The following CRAT variants were observed in gnomAD, a reference collection of about 807,000 sequenced individuals.
CRAT encodes the protein carnitine O-acetyltransferase.
In CRAT, 66 loss-of-function variants were observed where a neutral mutation model predicts 73.7. The observed-to-expected ratio is 0.90, with a 90% CI of 0.73 to 1.10. The LOEUF is 1.10. CRAT is among the 50% of genes least tolerant of loss of function. CRAT has a pLI of 0.00. For missense variants in CRAT, 745 were observed against 846.9 expected (o/e 0.88, Z 1.49); for synonymous variants, 321 against 343.2 (o/e 0.94, Z 0.71).
At chr9:129,098,834 G>C (rs1847469449) in intron 8 of CRAT, among the ~76,000 whole-genome samples, 184 bp from the exon 9 acceptor site, 1 of 95,948 alleles carries the variant, frequency 1.0e-5, no homozygotes, top group African/African-American at 3.8e-5. Flanking sequence ...TTTTTTTTTA[G>C]ATGGAGTCTT....
intron 12 of CRAT, 103 bp downstream of exon 12, chr9:129,097,147 G>T: frequency 9.7e-7 from 1 of 1,029,094 alleles, no homozygotes; most frequent in Non-Finnish European, 1.4e-6. Flanking sequence ...TGTGGTCCTA[G>T]CAAAGGGTTG....
chr9:129,109,200 G>A (rs1426416806), intron 1 of CRAT: 10 of 1,304,110 alleles, frequency 7.7e-6, no homozygotes, highest in African/African-American at 6.1e-5. Flanking sequence ...TGCGAAGATC[G>A]TTTTGATGAG....
intron 2 of CRAT, among the ~76,000 whole-genome samples, chr9:129,104,811 A>G (rs890953949): frequency 1.5e-4 from 22 of 151,026 alleles, no homozygotes; most frequent in Non-Finnish European, 1.5e-4. Flanking sequence ...TCACCGTGTT[A>G]GCCAGGATGG....
At position 129,102,048 on chromosome 9, in the gene CRAT, G is replaced by A. The variant is rs751362393; in HGVS notation, c.640C>T (p.Leu214=). 6 of 1,613,852 alleles carry A rather than the reference G, an allele frequency of 3.7e-6. No homozygotes were observed. The highest frequency in any genetic ancestry group is 2.2e-5 in the South Asian group (2 of 91,036). Residue 214 remains leucine (L), a synonymous_variant, in exon 6 of 14, where the codon CTG becomes TTG. Coordinates refer to ENST00000318080, the MANE Select transcript of CRAT (RefSeq NM_000755.5). Reference sequence around the variant, plus strand: ...GTCCCGTCACTGTGGTACACATCCAGCTCAAAAAACTGTTGGGGCACAGGC... The same window carrying A: ...GTCCCGTCACTGTGGTACACATCCAACTCAAAAAACTGTTGGGGCACAGGC... ...TVVHNYQFFE[L]DVYHSDGTPL... is the part of the protein sequence containing the mutation.
rs1158442497 is a variant in CRAT, at chr9:129,096,122, T to C, written c.1541A>G (p.Glu514Gly). The change falls in exon 13 of 14, where the codon GAG becomes GGG. Residue 514 changes from glutamate (E) to glycine (G), a missense_variant. Coordinates refer to ENST00000318080, the MANE Select transcript of CRAT (RefSeq NM_000755.5). ...RGYTDRAIRGEAFDRHLLGLK... is the reference protein window; with the variant it reads ...RGYTDRAIRGGAFDRHLLGLK... ...GCCCAGCAGGTGTCGATCAAAGGCC[T>C]CCCCGCGGATGGCCTGTTGGGGTGG... 6.2e-7 allele frequency: 1 copy of C among 1,613,128 alleles called. No individual in the cohort carries two copies. The highest frequency in any genetic ancestry group is 8.5e-7 in the Non-Finnish European group (1 of 1,180,016).
At chr9:129,097,212 T>C (rs1847331850) in intron 12 of CRAT, 38 bp downstream of exon 12, 1 of 1,511,606 alleles carries the variant, frequency 6.6e-7, no homozygotes, top group Non-Finnish European at 8.9e-7. Flanking sequence ...TGGCTGACAC[T>C]AAGGGACAAG....
rs1346690975 is a variant in CRAT, at chr9:129,110,122, G to A, written c.27+361C>T. Among the ~76,000 whole-genome samples, 5 of 152,144 alleles carry A rather than the reference G, an allele frequency of 3.3e-5. No individual in the cohort carries two copies. Among genetic ancestry groups the A allele is most frequent in the Admixed American group, 6.5e-5 (1 of 15,286 alleles). On this transcript the variant is annotated intron_variant, in intron 1 of 13. Coordinates refer to ENST00000318080, the MANE Select transcript of CRAT (RefSeq NM_000755.5). The surrounding 1 kb of genome is among the most constrained non-coding windows in gnomAD (Gnocchi z 5.3). ...AGGAGTGGCTCTGGCCTAAGCGTGC[G>A]ACGGGTGTGTCAATCGGAGAATAAC... is the stretch of plus-strand genomic sequence containing the variant.
At chr9:129,102,655 G>A (rs1847761933) in intron 4 of CRAT, 90 bp from the exon 5 acceptor site, 2 of 1,434,738 alleles carry the variant, frequency 1.4e-6, no homozygotes, top group Non-Finnish European at 1.9e-6. Flanking sequence ...TACTGCTGGG[G>A]GCTCACACAG....
At chr9:129,104,113 G>A (rs1038967125) in intron 3 of CRAT, 75 bp downstream of exon 3, 18 of 1,080,352 alleles carry the variant, frequency 1.7e-5, no homozygotes, top group Non-Finnish European at 2.3e-5. Context: ...CAGGGTCGGG[G>A]CCCCTCCAAG....
intron 12 of CRAT, 116 bp downstream of exon 12, chr9:129,097,134 A>G: frequency 1.2e-6 from 1 of 818,108 alleles, no homozygotes. Flanking sequence ...AGGTTGGGGG[A>G]GATGTGGTCC....
chr9:129,101,734 TG>T, intron 6 of CRAT, 148 bp downstream of exon 6: 1 of 1,009,978 alleles, frequency 9.9e-7, no homozygotes, highest in Non-Finnish European at 1.4e-6. Flanking sequence ...AACTGGCCCC[TG>T]GCTCCCACCT....
At chr9:129,099,273 G>T (rs1847504595) in intron 8 of CRAT, among the ~76,000 whole-genome samples, 1 of 149,618 alleles carries the variant, frequency 6.7e-6, no homozygotes, top group Non-Finnish European at 1.5e-5. Flanking sequence ...CTCCCAAGTA[G>T]CTGGGATTAC....
intron 2 of CRAT, among the ~76,000 whole-genome samples, chr9:129,105,859 G>A (rs12350395): frequency 6.6e-6 from 1 of 152,006 alleles, no homozygotes; most frequent in Non-Finnish European, 1.5e-5. Context: ...TCTGGGGGGT[G>A]GGGGGTCTCT....
At position 129,098,393 on chromosome 9, in the gene CRAT, G is replaced by A. The variant is rs558520570; in HGVS notation, c.1206-22C>T. 4.3e-6 allele frequency: 7 copies of A among 1,612,006 alleles called. No homozygotes were observed. In the African/African-American group the frequency reaches 8.0e-5, roughly 18 times the overall value. ...CATGCTGGGGGTGTGGGAAGAGCAG[G>A]TGAGGAGCAGGCCCCGGCAGCCCCT... On this transcript the variant is annotated intron_variant, in intron 9 of 13. Transcript: ENST00000318080.
chr9:129,102,717 G>A, intron 4 of CRAT, 152 bp from the exon 5 acceptor site: 2 of 952,508 alleles, frequency 2.1e-6, no homozygotes, highest in Non-Finnish European at 3.2e-6. Flanking sequence ...CTGTGCTGTG[G>A]GCAGGGGGCT....
At chr9:129,098,496 C>A in intron 9 of CRAT, 35 bp downstream of exon 9, 1 of 1,595,538 alleles carries the variant, frequency 6.3e-7, no homozygotes, top group Non-Finnish European at 8.5e-7. Flanking sequence ...TGGCCTCACC[C>A]ATCCAGCACA....
chr9:129,100,441 C>A, intron 7 of CRAT, 70 bp downstream of exon 7: 1 of 1,506,768 alleles, frequency 6.6e-7, no homozygotes. Context: ...CGGGGACGGG[C>A]AGGAAGTCCC....
intron 1 of CRAT, chr9:129,109,304 C>T (rs1363895044): frequency 4.2e-5 from 55 of 1,300,672 alleles, no homozygotes; most frequent in Admixed American, 6.9e-5. Flanking sequence ...TGCAAGGGAG[C>T]AGACACCAGG....
Position 129,103,163 on chromosome 9 carries a change from C to A in CRAT, c.411-97G>T. On this transcript the variant is annotated intron_variant, in intron 3 of 13. Transcript: ENST00000318080. The surrounding 1 kb of genome is among the most constrained non-coding windows in gnomAD (Gnocchi z 4.6). ...TTGGGGAGCGGGAGGTCTAGTCTTC[C>A]AGCCTCTCTCACCGCTTCCAGAAAG... is the stretch of plus-strand genomic sequence containing the variant. 9.7e-7 allele frequency: 1 copy of A among 1,029,088 alleles called. No homozygotes were observed. The highest frequency in any genetic ancestry group is 1.3e-5 in the South Asian group (1 of 78,620). 63.7% of individuals were successfully genotyped at this position (1,029,088 alleles called of 1,614,324 possible).
Sources: gnomAD v4.1 joint callset for allele counts (sites outside exome capture counted in the v4.1 genomes callset) on GRCh38, gnomAD v4.1.1 for gene constraint, Gnocchi (gnomAD v3.1) non-coding constraint, MANE v1.5 for transcripts, NCBI Gene and HGNC (gene_info 2026-07-23, HGNC 2026-07-21) for gene names.